The following ITK variants were observed in gnomAD, a reference collection of about 807,000 sequenced individuals.
ITK encodes IL2 inducible T cell kinase, also known as tyrosine-protein kinase ITK/TSK.
ITK carries 45 observed loss-of-function variants against 87.6 expected under a neutral mutation model. The ratio of observed to expected loss-of-function variants is 0.51; its 90% CI spans 0.40 to 0.66. ITK has a LOEUF of 0.66. Among genes scored for constraint, ITK ranks in the 30% least tolerant of loss-of-function variants. ITK has a pLI of 0.00. For synonymous variants in ITK, 303 were observed against 273.6 expected (o/e 1.11, Z -1.06); for missense variants, 605 against 766.3 (o/e 0.79, Z 2.48).
At chr5:157,220,454 G>A (rs1754391977) in intron 5 of ITK, among the ~76,000 whole-genome samples, 1 of 152,170 alleles carries the variant, frequency 6.6e-6, no homozygotes, top group African/African-American at 2.4e-5. Flanking sequence ...CTTTCTTGCT[G>A]GCTGCCTACT....
At chr5:157,197,622 A>G (rs1163704387) in intron 1 of ITK, among the ~76,000 whole-genome samples, 5 of 128,150 alleles carry the variant, frequency 3.9e-5, no homozygotes, top group African/African-American at 1.4e-4. Flanking sequence ...CTTCTTCCAA[A>G]AATGGGATGA....
chr5:157,254,650 C>A lies in ITK; in HGVS notation c.*1972C>A. 1 of 217,646 alleles carries A rather than the reference C, an allele frequency of 4.6e-6. No individual in the cohort carries two copies. Among genetic ancestry groups the A allele is most frequent in the Non-Finnish European group, 9.2e-6 (1 of 108,318 alleles). 13.5% of individuals were successfully genotyped at this position (217,646 alleles called of 1,614,324 possible). The stretch of plus-strand genomic sequence containing the variant: ...TCATTCAGAAGATGATTTTACTCAG[C>A]TTATCCAAAATTATCTCTGTTTACT... On this transcript the variant is annotated 3_prime_UTR_variant, in exon 17 of 17. Transcript: ENST00000422843.
intron 1 of ITK, among the ~76,000 whole-genome samples, chr5:157,200,312 C>T (rs1319598501): frequency 4.6e-5 from 7 of 152,126 alleles, no homozygotes; most frequent in Admixed American, 4.6e-4. Flanking sequence ...AAGCAAGGTC[C>T]TGTGACTTTC....
In ITK at chr5:157,242,722, G is replaced by A. The variant is rs1300229843; in HGVS notation, c.1061-901G>A. 2.6e-5 allele frequency among the ~76,000 whole-genome samples: 4 copies of A among 152,306 alleles called. No homozygotes were observed. In the East Asian group the frequency reaches 7.7e-4, roughly 29 times the overall value. ...AATCCTCCTGCCTCAGCCTCCCAAA[G>A]TGTTGGGATTACAGGCATGAGCCAC... On this transcript the variant is annotated intron_variant, in intron 11 of 16. Coordinates refer to ENST00000422843, the MANE Select transcript of ITK (RefSeq NM_005546.4).
chr5:157,242,779 C>T (rs1754937676), intron 11 of ITK, among the ~76,000 whole-genome samples: 1 of 152,156 alleles, frequency 6.6e-6, no homozygotes, highest in African/African-American at 2.4e-5. Flanking sequence ...TTTAAACAAG[C>T]ATGCTAGGTG....
At chr5:157,209,437 T>G (rs1301939346) in intron 2 of ITK, among the ~76,000 whole-genome samples, 1 of 152,140 alleles carries the variant, frequency 6.6e-6, no homozygotes, top group Non-Finnish European at 1.5e-5. Flanking sequence ...TTAGGAAACG[T>G]ATGTGTTCCT....
Position 157,208,881 on chromosome 5 carries a change from C to T in ITK, c.139-8C>T. ...TTACATGAATGGGATGTTCTTCTCT[C>T]CCCACAGAAGAAGCGCACGCTGAAG... On this transcript the variant is annotated splice_region_variant and splice_polypyrimidine_tract_variant and intron_variant, in intron 1 of 16. Coordinates refer to ENST00000422843, the MANE Select transcript of ITK (RefSeq NM_005546.4). 2 of 1,582,400 alleles carry T rather than the reference C, an allele frequency of 1.3e-6. No homozygotes were observed. The highest frequency in any genetic ancestry group is 1.7e-6 in the Non-Finnish European group (2 of 1,151,048).
intron 15 of ITK, 40 bp from the exon 16 acceptor site, chr5:157,248,810 G>A: frequency 6.2e-7 from 1 of 1,613,316 alleles, no homozygotes; most frequent in Non-Finnish European, 8.5e-7. Context: ...CTGTCTGTGG[G>A]CTTTGTCATT....
chr5:157,208,019 G>A (rs1441392806), intron 1 of ITK, among the ~76,000 whole-genome samples: 1 of 152,144 alleles, frequency 6.6e-6, no homozygotes, highest in African/African-American at 2.4e-5. Context: ...TTTTGCAACT[G>A]GTTCCATAGC....
chr5:157,230,484 T>G (rs961386731), intron 7 of ITK, among the ~76,000 whole-genome samples: 11 of 152,222 alleles, frequency 7.2e-5, no homozygotes, highest in Non-Finnish European at 1.2e-4. Context: ...GATTCTTTAG[T>G]GAAGAACCGT....
intron 1 of ITK, among the ~76,000 whole-genome samples, chr5:157,188,224 G>T (rs753921927): frequency 1.3e-5 from 2 of 152,092 alleles, no homozygotes; most frequent in Non-Finnish European, 2.9e-5. Context: ...GCTGGCATTT[G>T]AAGTTTTTTA....
intron 15 of ITK, among the ~76,000 whole-genome samples, chr5:157,246,856 T>C (rs762811685): frequency 4.6e-5 from 7 of 152,178 alleles, no homozygotes; most frequent in Non-Finnish European, 2.9e-5. Context: ...ATGAAGCTGG[T>C]AGGCCATCAT....
chr5:157,202,418 T>A (rs1296006502), intron 1 of ITK, among the ~76,000 whole-genome samples: 2 of 152,148 alleles, frequency 1.3e-5, no homozygotes, highest in Non-Finnish European at 2.9e-5. Context: ...TTCACCATGT[T>A]GCCCAGGCTA....
At chr5:157,243,999 C>G in intron 12 of ITK, 1 of 672,606 alleles carries the variant, frequency 1.5e-6, no homozygotes, top group Non-Finnish European at 2.7e-6. Context: ...TCCCCCTTCT[C>G]AGCTCCTACC....
chr5:157,245,141 C>G (rs1318054426), intron 13 of ITK: 1 of 173,318 alleles, frequency 5.8e-6, no homozygotes, highest in Admixed American at 5.5e-5. Flanking sequence ...AGGAGAATCA[C>G]TTGAACCCAG....
chr5:157,206,395 C>A (rs913335732), intron 1 of ITK, among the ~76,000 whole-genome samples: 4 of 152,100 alleles, frequency 2.6e-5, no homozygotes, highest in Admixed American at 1.3e-4. Context: ...ATGATGCTGG[C>A]CTCATAGAAT....
chr5:157,221,969 A>G (rs1263084797), intron 5 of ITK, among the ~76,000 whole-genome samples: 1 of 151,950 alleles, frequency 6.6e-6, no homozygotes, highest in Non-Finnish European at 1.5e-5. Context: ...TGGGCAACAT[A>G]GTGAGACCCT....
intron 5 of ITK, among the ~76,000 whole-genome samples, chr5:157,218,284 C>T (rs770359284): frequency 1.3e-5 from 2 of 152,030 alleles, no homozygotes; most frequent in African/African-American, 4.8e-5. Flanking sequence ...GTGGGAGGAT[C>T]GCTTGAGCCC....
chr5:157,209,247 G>A (rs1434261462), intron 2 of ITK, among the ~76,000 whole-genome samples: 2 of 150,882 alleles, frequency 1.3e-5, no homozygotes, highest in Non-Finnish European at 2.9e-5. Flanking sequence ...CAGGAGAATT[G>A]TTTGAACCCA....
Sources: allele counts gnomAD v4.1 joint callset (sites outside exome capture counted in the v4.1 genomes callset), GRCh38; gene constraint gnomAD v4.1.1; transcripts MANE v1.5; gene names NCBI Gene and HGNC (gene_info 2026-07-23, HGNC 2026-07-21).